The following THRB variants were observed in gnomAD, a reference collection of about 807,000 sequenced individuals.
THRB encodes thyroid hormone receptor beta.
In THRB, 12 loss-of-function variants were observed where a neutral mutation model predicts 47.8. That is an observed-to-expected ratio of 0.25 (90% CI 0.16 to 0.41). The LOEUF (loss-of-function observed/expected upper bound fraction) is 0.41, where lower values mean the gene tolerates loss of function less well. Among genes scored for constraint, THRB ranks in the 10% least tolerant of loss-of-function variants. The probability of loss-of-function intolerance (pLI) is 1.00; values close to 1 mark genes in which losing one functional copy is unlikely to be tolerated. For synonymous variants in THRB, 218 were observed against 212.2 expected, an observed-to-expected ratio of 1.03 and a Z score of -0.24; for missense variants, 348 against 589.2, an observed-to-expected ratio of 0.59 and a Z score of 4.24.
At chr3:24,269,276 ACCACACACACACACACAC>A (rs1432033475) in intron 3 of THRB, among the ~76,000 whole-genome samples, 20 of 107,728 alleles carry the variant, frequency 1.9e-4, no homozygotes, top group African/African-American at 7.4e-4. Flanking sequence ...AAATGGATAC[ACCACACACACACACACAC>A]ACACACACAC....
intron 3 of THRB, among the ~76,000 whole-genome samples, chr3:24,291,291 A>T (rs1445050044): frequency 6.6e-6 from 1 of 152,236 alleles, no homozygotes; most frequent in Non-Finnish European, 1.5e-5. Context: ...GAGTCCTGCC[A>T]CTTCCTTTTA....
At chr3:24,207,223 G>T (rs1575874586) in intron 4 of THRB, among the ~76,000 whole-genome samples, 1 of 152,288 alleles carries the variant, frequency 6.6e-6, no homozygotes, top group East Asian at 1.9e-4. Context: ...TATCCCTGAT[G>T]AACATTGATG....
chr3:24,392,890 C>G (rs920389117), intron 1 of THRB, among the ~76,000 whole-genome samples: 1 of 152,054 alleles, frequency 6.6e-6, no homozygotes, highest in African/African-American at 2.4e-5. Context: ...GTACTTTATT[C>G]TACTTTTTAT....
rs964032912 is a variant in THRB at position 24,143,428 on chromosome 3, G to T, written c.738+73C>A. ...GGCAATAACACCAGTATCCCAAGGT[G>T]ATGAGGACTGAATAAATTGAGGTAG... On this transcript the variant is annotated intron_variant, in intron 8 of 10. Coordinates refer to ENST00000646209, the MANE Select transcript of THRB (RefSeq NM_001354712.2). 2.8e-6 allele frequency: 4 copies of T among 1,426,392 alleles called. No homozygotes were observed. In the East Asian group the frequency reaches 9.1e-5, roughly 32 times the overall value. The allele number at this position is 1,426,392 out of a possible 1,614,324, so 88.4% of individuals were successfully genotyped here. A position where few individuals can be genotyped will look rare whatever the true frequency, so the allele number is the denominator to read the frequency against.
chr3:24,217,894 A>T (rs2046736917), intron 4 of THRB, among the ~76,000 whole-genome samples: 1 of 152,206 alleles, frequency 6.6e-6, no homozygotes, highest in Non-Finnish European at 1.5e-5. Context: ...AAAGGAAGAG[A>T]TTGTATGAAA....
chr3:24,297,137 A>G (rs958383103), intron 3 of THRB, 89 bp downstream of exon 3: 2 of 152,236 alleles, frequency 1.3e-5, no homozygotes, highest in Non-Finnish European at 2.9e-5. Context: ...TAAGAAGTGT[A>G]AGTGATGAGT....
intron 1 of THRB, chr3:24,455,262 G>A (rs2073058057): frequency 6.6e-6 from 1 of 151,670 alleles, no homozygotes; most frequent in African/African-American, 2.4e-5. Context: ...AAGCCTCCTA[G>A]GTGGAATGTT....
intron 4 of THRB, among the ~76,000 whole-genome samples, chr3:24,203,288 C>T (rs942247638): frequency 6.6e-6 from 1 of 152,114 alleles, no homozygotes; most frequent in African/African-American, 2.4e-5. Flanking sequence ...GTGGCACACA[C>T]CTGTGGTCCC....
At chr3:24,480,928 C>A (rs1354997488) in intron 1 of THRB, among the ~76,000 whole-genome samples, 1 of 152,152 alleles carries the variant, frequency 6.6e-6, no homozygotes, top group East Asian at 1.9e-4. Flanking sequence ...ATTTAAAAAG[C>A]GATGGAGCTT....
intron 3 of THRB, among the ~76,000 whole-genome samples, chr3:24,247,558 G>C (rs958206286): frequency 2.0e-5 from 3 of 152,170 alleles, no homozygotes; most frequent in African/African-American, 7.2e-5. Flanking sequence ...CACTAAACTT[G>C]ACTGCATCTT....
intron 5 of THRB, among the ~76,000 whole-genome samples, chr3:24,153,004 A>AGCT (rs1472343017): frequency 7.6e-6 from 1 of 132,074 alleles, no homozygotes; most frequent in Non-Finnish European, 1.6e-5. Context: ...GAAAGAAAGA[A>AGCT]AGATAGCTGT....
chr3:24,210,914 T>G (rs781235045), intron 4 of THRB, among the ~76,000 whole-genome samples: 1 of 152,124 alleles, frequency 6.6e-6, no homozygotes, highest in African/African-American at 2.4e-5. Context: ...TAAAAGATGG[T>G]GGGGCCAAGT....
chr3:24,465,977 C>T (rs1327317004), intron 1 of THRB, among the ~76,000 whole-genome samples: 4 of 152,028 alleles, frequency 2.6e-5, no homozygotes, highest in Non-Finnish European at 4.4e-5. Context: ...ACTCTAAGCT[C>T]TTTATTTATG....
intron 1 of THRB, among the ~76,000 whole-genome samples, chr3:24,362,754 C>T (rs1012088213): frequency 1.7e-4 from 26 of 152,260 alleles, no homozygotes; most frequent in Middle Eastern, 3.4e-3. Context: ...CTATAATTAT[C>T]CTGCTTTAAC....
intron 1 of THRB, among the ~76,000 whole-genome samples, chr3:24,352,648 G>A (rs1056359384): frequency 3.3e-5 from 5 of 152,036 alleles, no homozygotes; most frequent in African/African-American, 7.2e-5. Flanking sequence ...ACCTACAAAC[G>A]CACAATGCAA....
At chr3:24,228,275 T>C (rs1271334718) in intron 4 of THRB, among the ~76,000 whole-genome samples, 1 of 152,184 alleles carries the variant, frequency 6.6e-6, no homozygotes, top group East Asian at 1.9e-4. Flanking sequence ...ATTGCAACCT[T>C]GTATTCCTCC....
At chr3:24,437,173 G>A (rs2071051991) in intron 1 of THRB, among the ~76,000 whole-genome samples, 1 of 147,258 alleles carries the variant, frequency 6.8e-6, no homozygotes, top group African/African-American at 2.5e-5. Context: ...ATAACGAAAT[G>A]TATATATATA....
intron 5 of THRB, among the ~76,000 whole-genome samples, chr3:24,178,351 G>A (rs2041446638): frequency 6.6e-6 from 1 of 152,068 alleles, no homozygotes; most frequent in African/African-American, 2.4e-5. Context: ...GGAAAGGCTG[G>A]GTGCGGTGGC....
chr3:24,178,761 G>A (rs986168798), intron 5 of THRB, among the ~76,000 whole-genome samples: 2 of 152,148 alleles, frequency 1.3e-5, no homozygotes, highest in Admixed American at 6.6e-5. Flanking sequence ...GATAACTAAG[G>A]TCTGCAGCGG....
Sources: gnomAD v4.1 joint callset for allele counts (sites outside exome capture counted in the v4.1 genomes callset) on GRCh38, gnomAD v4.1.1 for gene constraint, MANE v1.5 for transcripts, NCBI Gene and HGNC (gene_info 2026-07-23, HGNC 2026-07-21) for gene names.